Variants in RASGRF2 observed in about 807,000 individuals in gnomAD.
RASGRF2 encodes ras-specific guanine nucleotide-releasing factor 2.
In RASGRF2, 76 loss-of-function variants were observed where a neutral mutation model predicts 151.0. The observed-to-expected ratio is 0.50, with a 90% confidence interval of 0.42 to 0.61. The LOEUF (loss-of-function observed/expected upper bound fraction) is 0.61. Ranked by LOEUF, RASGRF2 falls within the 20% of genes least tolerant of loss-of-function variation. RASGRF2 has a pLI of 0.00. For synonymous variants in RASGRF2, 504 were observed against 566.5 expected (o/e 0.89, Z 1.57); for missense variants, 1,148 against 1,564.6 (o/e 0.73, Z 4.49).
At chr5:81,074,863 C>T (rs1302456446) in intron 5 of RASGRF2, among the ~76,000 whole-genome samples, 1 of 152,108 alleles carries the variant, frequency 6.6e-6, no homozygotes, top group African/African-American at 2.4e-5. Context: ...CTTTCACGTG[C>T]CCGGCAGTCC....
chr5:81,067,538 T>C (rs1751643288), intron 2 of RASGRF2, among the ~76,000 whole-genome samples: 1 of 152,226 alleles, frequency 6.6e-6, no homozygotes, highest in South Asian at 2.1e-4. Flanking sequence ...ACAGAGTTGG[T>C]AGTCACTAAT....
intron 1 of RASGRF2, chr5:80,997,554 A>T (rs371727382): frequency 9.2e-6 from 1 of 108,954 alleles, no homozygotes; most frequent in Non-Finnish European, 2.1e-5. Flanking sequence ...GAATTCACTG[A>T]AACAGCAATA....
intron 7 of RASGRF2, among the ~76,000 whole-genome samples, chr5:81,082,621 G>A (rs1347286702): frequency 6.6e-6 from 1 of 152,180 alleles, no homozygotes; most frequent in Non-Finnish European, 1.5e-5. Flanking sequence ...CACTAGTTCT[G>A]ATGTTTTGGA....
intron 1 of RASGRF2, among the ~76,000 whole-genome samples, chr5:80,961,970 GTTT>G (rs755323206): frequency 6.6e-6 from 1 of 152,132 alleles, no homozygotes; most frequent in East Asian, 1.9e-4. Flanking sequence ...AAGGCTGATT[GTTT>G]TTGCTGTTGC....
At chr5:80,993,339 A>G (rs1223365934) in intron 1 of RASGRF2, among the ~76,000 whole-genome samples, 1 of 152,270 alleles carries the variant, frequency 6.6e-6, no homozygotes. Context: ...TAAATTAATC[A>G]GTGGAACATT....
Position 81,086,836 on chromosome 5 carries a change from G to A in RASGRF2, c.1273G>A (p.Val425Ile), listed in dbSNP as rs751248840. ...AKSKLEELSR[V>I]MHDEVSDTEN... ...GATCCTGTCTGTGTTGTGTCACAGAGTAATGCACGATGAAGTCAGCGACAC... is the reference window on the plus strand; with the variant it reads ...GATCCTGTCTGTGTTGTGTCACAGAATAATGCACGATGAAGTCAGCGACAC... Residue 425 changes from valine (V) to isoleucine (I), a missense_variant and splice_region_variant, in exon 9 of 27, where the codon GTA (valine) becomes ATA (isoleucine). By Grantham distance (29) the Val-to-Ile change is conservative (BLOSUM62 3). Transcript: ENST00000265080. 109 of 1,608,266 alleles carry A rather than the reference G, an allele frequency of 6.8e-5. 2 individuals carry two copies. In the South Asian group the frequency reaches 1.1e-3, roughly 16 times the overall value.
Position 81,014,974 on chromosome 5 carries a change from C to T in RASGRF2, c.289-27903C>T, listed in dbSNP as rs182785987. Reference sequence around the variant, plus strand: ...ACATTCTGTTGCCCAGGTTGGAGTGCAGTGGCATAGTCACGACTCACTGTA... The same window carrying T: ...ACATTCTGTTGCCCAGGTTGGAGTGTAGTGGCATAGTCACGACTCACTGTA... On this transcript the variant is annotated intron_variant, in intron 1 of 26. Coordinates refer to ENST00000265080, the MANE Select transcript of RASGRF2 (RefSeq NM_006909.3). 2.6e-4 allele frequency among the ~76,000 whole-genome samples: 40 copies of T among 152,134 alleles called. No homozygotes were observed. The East Asian group carries it at 4.8e-3, about 18-fold the overall frequency.
intron 9 of RASGRF2, chr5:81,088,167 A>C (rs1190832570): frequency 4.6e-5 from 7 of 152,386 alleles, no homozygotes; most frequent in African/African-American, 1.7e-4. Context: ...CTGTGTCCCC[A>C]CATTGGCTTC....
At chr5:81,153,236 A>G (rs1474474019) in intron 17 of RASGRF2, among the ~76,000 whole-genome samples, 2 of 152,252 alleles carry the variant, frequency 1.3e-5, no homozygotes, top group Admixed American at 6.5e-5. Flanking sequence ...GTTACCTTAC[A>G]TGGCAAAGGA....
chr5:81,131,231 G>A (rs1459726761), intron 17 of RASGRF2, among the ~76,000 whole-genome samples: 3 of 152,066 alleles, frequency 2.0e-5, no homozygotes, highest in Admixed American at 6.6e-5. Flanking sequence ...GCCTGACCCC[G>A]GGGGCAAGGA....
At chr5:81,065,096 G>A (rs533679641) in intron 2 of RASGRF2, among the ~76,000 whole-genome samples, 1 of 152,206 alleles carries the variant, frequency 6.6e-6, no homozygotes, top group South Asian at 2.1e-4. Context: ...GCCCAGTCAA[G>A]CCTCAAGATG....
At chr5:81,225,615 T>C in intron 26 of RASGRF2, 63 bp from the exon 27 acceptor site, 1 of 1,575,374 alleles carries the variant, frequency 6.3e-7, no homozygotes, top group South Asian at 1.2e-5. Context: ...TTAGATTCCG[T>C]CAGAAAATGT....
chr5:81,120,796 T>C (rs959776752), intron 15 of RASGRF2, among the ~76,000 whole-genome samples: 5 of 152,340 alleles, frequency 3.3e-5, no homozygotes, highest in African/African-American at 1.2e-4. Flanking sequence ...TTGTGATTCA[T>C]ATTGAAGGCT....
At position 81,229,033 on chromosome 5, in the gene RASGRF2, G is replaced by A. The variant is rs148766654; in HGVS notation, c.*3263G>A. 4 of 152,112 alleles carry A rather than the reference G, an allele frequency of 2.6e-5. No individual in the cohort carries two copies. Among genetic ancestry groups the A allele is most frequent in the Non-Finnish European group, 5.9e-5 (4 of 68,026 alleles). 9.4% of individuals were successfully genotyped at this position (152,112 alleles called of 1,614,324 possible). ...TTTCTCTCATGTTATTGTATAAGAC[G>A]AGACTTTTGGGCCAGCAGCGATTGG... On this transcript the variant is annotated 3_prime_UTR_variant, in exon 27 of 27. Coordinates refer to ENST00000265080, the MANE Select transcript of RASGRF2 (RefSeq NM_006909.3).
intron 2 of RASGRF2, among the ~76,000 whole-genome samples, chr5:81,053,696 G>A (rs1360344861): frequency 1.3e-5 from 2 of 152,126 alleles, no homozygotes; most frequent in Non-Finnish European, 1.5e-5. Context: ...CTGAGGAATC[G>A]CCACACTGTC....
chr5:80,975,135 C>T (rs545323446), intron 1 of RASGRF2, among the ~76,000 whole-genome samples: 10 of 152,068 alleles, frequency 6.6e-5, no homozygotes, highest in African/African-American at 2.4e-4. Flanking sequence ...CTTTTAGCTG[C>T]TGCTTTCTGC....
chr5:81,032,208 T>A (rs1466556474), intron 1 of RASGRF2, among the ~76,000 whole-genome samples: 1 of 152,198 alleles, frequency 6.6e-6, no homozygotes, highest in Non-Finnish European at 1.5e-5. Flanking sequence ...ACAGCCGAAT[T>A]CTACCAGAGG....
At chr5:81,013,075 GT>G (rs1331082167) in intron 1 of RASGRF2, among the ~76,000 whole-genome samples, 1 of 152,168 alleles carries the variant, frequency 6.6e-6, no homozygotes, top group Non-Finnish European at 1.5e-5. Context: ...CCCCCACAGA[GT>G]TTTAAGACAC....
chr5:80,996,521 C>CTTCTTCTTCTT lies in RASGRF2; in HGVS notation c.288+35495_288+35496insTTCTTCTTCTT, dbSNP rs1561544850. Among the ~76,000 whole-genome samples, 115 of 24,690 alleles carry CTTCTTCTTCTT rather than the reference C, an allele frequency of 4.7e-3. 8 individuals are homozygous for CTTCTTCTTCTT. The highest frequency in any genetic ancestry group is 6.8e-3 in the African/African-American group (44 of 6,428). The allele number at this position is 24,690 out of a possible 152,430, so 16.2% of individuals were successfully genotyped here. Reference sequence around the variant, plus strand: ...TTCTTCTTCCTCCTCCTCCTCCTCCCCCTCCTCCTCCTCCCCCTCCTCCTC... The same window carrying CTTCTTCTTCTT: ...TTCTTCTTCCTCCTCCTCCTCCTCCCTTCTTCTTCTTCCTCCTCCTCCTCCCCCTCCTCCTC... On this transcript the variant is annotated intron_variant, in intron 1 of 26. Transcript: ENST00000265080.
Sources: allele counts gnomAD v4.1 joint callset (sites outside exome capture counted in the v4.1 genomes callset), GRCh38; gene constraint gnomAD v4.1.1; transcripts MANE v1.5; gene names NCBI Gene and HGNC (gene_info 2026-07-23, HGNC 2026-07-21).